Variants in COL9A3 observed in about 807,000 individuals in gnomAD.
COL9A3 encodes the protein collagen alpha-3(IX) chain.
In COL9A3, 82 loss-of-function variants were observed where a neutral mutation model predicts 110.2. The observed-to-expected ratio is 0.74, with a 90% CI of 0.62 to 0.89. The LOEUF is 0.89. Ranked by LOEUF, COL9A3 falls within the 40% of genes least tolerant of loss-of-function variation. COL9A3 has a pLI of 0.00. For synonymous variants in COL9A3, 494 were observed against 403.8 expected, an observed-to-expected ratio of 1.22 and a Z score of -2.68; for missense variants, 1,066 against 981.3, an observed-to-expected ratio of 1.09 and a Z score of -1.15.
At chr20:62,837,416 T>A in intron 30 of COL9A3, 151 bp downstream of exon 30, 1 of 751,630 alleles carries the variant, frequency 1.3e-6, no homozygotes, top group Non-Finnish European at 2.2e-6. Context: ...CTAGCGCAGT[T>A]AACTCCTTGG....
intron 29 of COL9A3, 150 bp downstream of exon 29, chr20:62,836,682 C>T (rs200474743): frequency 2.0e-4 from 172 of 851,308 alleles, no homozygotes; most frequent in African/African-American, 1.7e-3. Context: ...TGGGGGTCCA[C>T]GTCCGCCTTG....
At chr20:62,825,990 C>T (rs2147209056) in intron 13 of COL9A3, 120 bp downstream of exon 13, 1 of 1,246,948 alleles carries the variant, frequency 8.0e-7, no homozygotes, top group South Asian at 1.4e-5. Flanking sequence ...GGCCAACACC[C>T]AGGCACAGGA....
intron 15 of COL9A3, among the ~76,000 whole-genome samples, 174 bp from the exon 16 acceptor site, chr20:62,827,067 C>T (rs755502711): frequency 5.9e-5 from 9 of 152,194 alleles, no homozygotes; most frequent in East Asian, 1.9e-4. Flanking sequence ...CCCTCTGGCA[C>T]CTCCAGCCAT....
rs372602506 is a variant in COL9A3 at position 62,840,558 on chromosome 20, C to T, written c.1881C>T (p.Pro627=). Residue 627 remains proline (P), a synonymous_variant, in exon 32 of 32, where the codon CCC becomes CCT. Coordinates refer to ENST00000649368, the MANE Select transcript of COL9A3 (RefSeq NM_001853.4). The stretch of plus-strand genomic sequence containing the variant: ...TGTCCCAAGGACCCCAAGGCGTGCC[C>T]GGCACCAGCAAGGACGGCCAGGACG... The part of the protein sequence containing the change: ...DQGPQGPQGV[P]GTSKDGQDGA... 3.2e-5 allele frequency: 51 copies of T among 1,612,106 alleles called. No individual in the cohort carries two copies. Among genetic ancestry groups the T allele is most frequent in the African/African-American group, 4.0e-5 (3 of 74,990 alleles).
chr20:62,831,814 G>A (rs73319165), intron 24 of COL9A3: 5,054 of 402,968 alleles, frequency 0.013, 225 homozygotes, highest in African/African-American at 0.092. Flanking sequence ...AATGCCGGGG[G>A]AAGGTGATTA....
At chr20:62,822,666 G>T (rs566742975) in intron 10 of COL9A3, 34 bp downstream of exon 10, 7 of 1,607,230 alleles carry the variant, frequency 4.4e-6, no homozygotes. Context: ...AAGGGTGCTG[G>T]GGGGTGCCTA....
intron 25 of COL9A3, 67 bp from the exon 26 acceptor site, chr20:62,832,953 C>A: frequency 1.4e-6 from 2 of 1,432,094 alleles, no homozygotes; most frequent in Non-Finnish European, 2.0e-6. Flanking sequence ...AGAGCAGGGA[C>A]TTTAAGGCAT....
chr20:62,840,504 G>C, intron 31 of COL9A3, 38 bp from the exon 32 acceptor site: 3 of 1,586,482 alleles, frequency 1.9e-6, no homozygotes, highest in Non-Finnish European at 2.6e-6. Flanking sequence ...CTTTCAGTCC[G>C]GGCTGCAGCT....
At chr20:62,817,659 C>T in intron 2 of COL9A3, 24 bp downstream of exon 2, 1 of 1,507,120 alleles carries the variant, frequency 6.6e-7, no homozygotes, top group Non-Finnish European at 8.9e-7. Context: ...TGGGGAGGGC[C>T]CCGAGCGCTC....
At position 62,827,979 on chromosome 20, in the gene COL9A3, G is replaced by C; in HGVS notation, c.900+3G>C. ...TGGCCGGGCCAAGCGGAGAGCCGGT[G>C]AGTGCACGTGGCTGCTCATGGAATG... On this transcript the variant is annotated splice_donor_region_variant and intron_variant, in intron 17 of 31. Transcript: ENST00000649368. 1 of 1,612,890 alleles carries C rather than the reference G, an allele frequency of 6.2e-7. No individual in the cohort carries two copies. The highest frequency in any genetic ancestry group is 8.5e-7 in the Non-Finnish European group (1 of 1,179,970).
intron 24 of COL9A3, chr20:62,831,251 C>T (rs1568759749): frequency 6.6e-6 from 1 of 152,326 alleles, no homozygotes; most frequent in Non-Finnish European, 1.5e-5. Flanking sequence ...CCTTGGGGGT[C>T]CGGGCAGAAG....
intron 19 of COL9A3, 91 bp from the exon 20 acceptor site, chr20:62,829,364 C>G: frequency 6.5e-7 from 1 of 1,543,918 alleles, no homozygotes; most frequent in Non-Finnish European, 8.9e-7. Flanking sequence ...CTCACTCTGG[C>G]CCCTGCACCC....
chr20:62,836,450 G>A (rs367854007), intron 28 of COL9A3, 28 bp from the exon 29 acceptor site: 89 of 1,613,556 alleles, frequency 5.5e-5, no homozygotes, highest in Non-Finnish European at 7.2e-5. Flanking sequence ...CCGCCCCCAT[G>A]CTGACGAATG....
rs376155030 is a variant in COL9A3 at position 62,819,202 on chromosome 20, T to C, written c.184-20T>C. 1.1e-5 allele frequency: 17 copies of C among 1,611,606 alleles called. No homozygotes were observed. In the African/African-American group the frequency reaches 2.0e-4, roughly 19 times the overall value. On this transcript the variant is annotated intron_variant, in intron 3 of 31. Transcript: ENST00000649368. ...AGGCCAGACCCCGCCTTCACATCTCTGCCCTTTCCTCCTGCACAGGGACCA... is the reference window on the plus strand; with the variant it reads ...AGGCCAGACCCCGCCTTCACATCTCCGCCCTTTCCTCCTGCACAGGGACCA...
In COL9A3 at chr20:62,835,878, C is replaced by T. The variant is rs561332343; in HGVS notation, c.1369-43C>T. The T allele has an allele frequency of 3.7e-6, 6 of 1,612,292 alleles. No individual in the cohort carries two copies. The Admixed American group carries it at 1.0e-4, about 27-fold the overall frequency. ...CTCAACTGGCTACTTCCCACCCACC[C>T]AACAATACACTTAGTTCAAACACAC... On this transcript the variant is annotated intron_variant, in intron 26 of 31. Coordinates refer to ENST00000649368, the MANE Select transcript of COL9A3 (RefSeq NM_001853.4).
At chr20:62,822,711 T>A (rs2063521404) in intron 10 of COL9A3, 79 bp downstream of exon 10, 3 of 1,478,528 alleles carry the variant, frequency 2.0e-6, no homozygotes, top group Middle Eastern at 1.8e-4. Flanking sequence ...GGAGAGGGGC[T>A]TGTCCATACT....
chr20:62,825,620 G>A (rs922066579), intron 12 of COL9A3, 197 bp from the exon 13 acceptor site: 39 of 639,328 alleles, frequency 6.1e-5, no homozygotes, highest in African/African-American at 3.0e-4. Context: ...ACCCCGGCCC[G>A]GCAGGGCGAG....
intron 31 of COL9A3, among the ~76,000 whole-genome samples, chr20:62,839,983 C>T (rs7262361): frequency 0.046 from 7,015 of 152,210 alleles, 536 homozygotes; most frequent in African/African-American, 0.16. Context: ...CACGTCTCTC[C>T]GCCTGTGGCT....
At chr20:62,823,631 G>A (rs747946859) in intron 10 of COL9A3, among the ~76,000 whole-genome samples, 2 of 152,228 alleles carry the variant, frequency 1.3e-5, no homozygotes, top group Non-Finnish European at 2.9e-5. Flanking sequence ...AGTGGGGCAG[G>A]GGCTGAAGAT....
Sources: gnomAD v4.1 joint callset for allele counts (sites outside exome capture counted in the v4.1 genomes callset) on GRCh38, gnomAD v4.1.1 for gene constraint, MANE v1.5 for transcripts, NCBI Gene and HGNC (gene_info 2026-07-23, HGNC 2026-07-21) for gene names.